The following PCDH9 variants were observed in gnomAD, a reference collection of about 807,000 sequenced individuals.
PCDH9 encodes protocadherin-9.
A neutral mutation model predicts 70.6 loss-of-function variants in PCDH9; 24 were observed. The observed-to-expected ratio is 0.34, with a 90% CI of 0.25 to 0.48. The LOEUF (loss-of-function observed/expected upper bound fraction) is 0.48, where lower values mean the gene tolerates loss of function less well. Among genes scored for constraint, PCDH9 ranks in the 20% least tolerant of loss-of-function variants. The pLI is 0.99. For missense variants in PCDH9, 1,281 were observed against 1,503.6 expected (o/e 0.85, Z 2.45); for synonymous variants, 562 against 558.5 (o/e 1.01, Z -0.09).
At chr13:66,350,654 G>T (rs997849410) in intron 4 of PCDH9, among the ~76,000 whole-genome samples, 1 of 152,246 alleles carries the variant, frequency 6.6e-6, no homozygotes, top group African/African-American at 2.4e-5. Context: ...CTCACATTCA[G>T]TGCACAATCA....
At chr13:66,790,775 G>T (rs975685281) in intron 3 of PCDH9, among the ~76,000 whole-genome samples, 1 of 151,824 alleles carries the variant, frequency 6.6e-6, no homozygotes, top group Non-Finnish European at 1.5e-5. Context: ...CCTACCTATG[G>T]TTGGAAATCC....
At chr13:66,440,096 G>A (rs116148642) in intron 4 of PCDH9, among the ~76,000 whole-genome samples, 2 of 152,296 alleles carry the variant, frequency 1.3e-5, no homozygotes, top group African/African-American at 4.8e-5. Flanking sequence ...TAATCAATGA[G>A]TGGTTTTTTA....
chr13:66,873,183 T>C (rs939381822), intron 3 of PCDH9, among the ~76,000 whole-genome samples: 3 of 152,184 alleles, frequency 2.0e-5, no homozygotes, highest in Admixed American at 6.5e-5. Context: ...CTTATTTTTG[T>C]TAGCAATATT....
At chr13:67,067,107 G>T (rs1319503991) in intron 2 of PCDH9, among the ~76,000 whole-genome samples, 4 of 152,020 alleles carry the variant, frequency 2.6e-5, no homozygotes, top group Admixed American at 2.0e-4. Context: ...TTTAAACCAA[G>T]AATTTTAGCT....
intron 4 of PCDH9, among the ~76,000 whole-genome samples, chr13:66,487,453 G>A (rs1342741533): frequency 6.6e-6 from 1 of 151,944 alleles, no homozygotes; most frequent in African/African-American, 2.4e-5. Flanking sequence ...CTTTCTTATG[G>A]ATTTTTTATT....
chr13:66,807,275 T>C (rs2080425772), intron 3 of PCDH9, among the ~76,000 whole-genome samples: 3 of 152,156 alleles, frequency 2.0e-5, no homozygotes, highest in African/African-American at 7.2e-5. Context: ...CATTCCAGCC[T>C]ACAGATTCCC....
At chr13:66,636,105 A>G (rs2077633515) in intron 3 of PCDH9, among the ~76,000 whole-genome samples, 1 of 152,124 alleles carries the variant, frequency 6.6e-6, no homozygotes, top group Non-Finnish European at 1.5e-5. Context: ...GCATAAGCTA[A>G]TTTCCAACCA....
chr13:66,780,774 G>A (rs138693812), intron 3 of PCDH9, among the ~76,000 whole-genome samples: 1 of 152,256 alleles, frequency 6.6e-6, no homozygotes, highest in African/African-American at 2.4e-5. Flanking sequence ...CCTAGGAAAG[G>A]AAATTGTTTT....
intron 2 of PCDH9, among the ~76,000 whole-genome samples, chr13:67,092,336 T>C (rs1373731657): frequency 6.6e-6 from 1 of 152,234 alleles, no homozygotes. Flanking sequence ...TTGTTTTTGA[T>C]TCTATAAATT....
chr13:66,663,480 G>A (rs1156379045), intron 3 of PCDH9, among the ~76,000 whole-genome samples: 4 of 152,058 alleles, frequency 2.6e-5, no homozygotes, highest in Admixed American at 2.6e-4. Flanking sequence ...AGAAATAAAC[G>A]TGAGGGTTTT....
chr13:66,729,736 A>G (rs1379979000), intron 3 of PCDH9, among the ~76,000 whole-genome samples: 1 of 152,104 alleles, frequency 6.6e-6, no homozygotes, highest in African/African-American at 2.4e-5. Flanking sequence ...TTGCCTAGCT[A>G]ATTCCTACTG....
Position 67,228,084 on chromosome 13 carries a change from G to C in PCDH9, c.357C>G (p.Pro119=), listed in dbSNP as rs778188238. The stretch of plus-strand genomic sequence containing the variant: ...TTTTGATCAGCCTGAAGAAATCATT[G>C]GGGAGGATCACCACCTCAAGTTCAA... ...CFFELEVVIL[P]NDFFRLIKIK... Residue 119 remains proline, a synonymous_variant, in exon 2 of 5, where the codon CCC becomes CCG. Coordinates refer to ENST00000377865, the MANE Select transcript of PCDH9 (RefSeq NM_203487.3). 6.2e-7 allele frequency: 1 copy of C among 1,614,034 alleles called. No individual in the cohort carries two copies. The highest frequency in any genetic ancestry group is 1.1e-5 in the South Asian group (1 of 91,062).
At chr13:66,773,160 G>T (rs867686797) in intron 3 of PCDH9, among the ~76,000 whole-genome samples, 30 of 152,116 alleles carry the variant, frequency 2.0e-4, no homozygotes, top group Non-Finnish European at 1.6e-4. Flanking sequence ...AAAGACAAAA[G>T]AAAATGAAAA....
At chr13:67,109,082 AT>A (rs1226176383) in intron 2 of PCDH9, among the ~76,000 whole-genome samples, 3 of 152,294 alleles carry the variant, frequency 2.0e-5, no homozygotes, top group Non-Finnish European at 4.4e-5. Flanking sequence ...TATTTTATAA[AT>A]TTTCTTTCAG....
At chr13:67,149,146 A>G (rs867702232) in intron 2 of PCDH9, among the ~76,000 whole-genome samples, 2 of 152,184 alleles carry the variant, frequency 1.3e-5, no homozygotes, top group Non-Finnish European at 2.9e-5. Flanking sequence ...CTCTTGAAGA[A>G]ATATTAAGAT....
chr13:66,956,722 G>A (rs1478599003), intron 2 of PCDH9, among the ~76,000 whole-genome samples: 1 of 152,140 alleles, frequency 6.6e-6, no homozygotes, highest in Non-Finnish European at 1.5e-5. Flanking sequence ...TGCACTCCAG[G>A]CTGGGCAGCA....
intron 3 of PCDH9, among the ~76,000 whole-genome samples, chr13:66,787,365 C>CAGCGTGATTACA (rs1490863303): frequency 4.6e-5 from 7 of 152,102 alleles, no homozygotes; most frequent in Non-Finnish European, 1.0e-4. Context: ...CTTGTAATCA[C>CAGCGTGATTACA]AGCACTTTGG....
chr13:67,073,752 T>C (rs2085815500), intron 2 of PCDH9, among the ~76,000 whole-genome samples: 1 of 152,162 alleles, frequency 6.6e-6, no homozygotes, highest in African/African-American at 2.4e-5. Context: ...GAAGTTTCCA[T>C]GTTTGGTAAC....
At chr13:66,848,095 C>A (rs1055679275) in intron 3 of PCDH9, among the ~76,000 whole-genome samples, 1 of 152,034 alleles carries the variant, frequency 6.6e-6, no homozygotes, top group South Asian at 2.1e-4. Context: ...TGTATTTCAG[C>A]GTATCTCCTA....
Sources: gnomAD v4.1 joint callset for allele counts (sites outside exome capture counted in the v4.1 genomes callset) on GRCh38, gnomAD v4.1.1 for gene constraint, MANE v1.5 for transcripts, NCBI Gene and HGNC (gene_info 2026-07-23, HGNC 2026-07-21) for gene names.